Variants in ENOX1 observed in about 807,000 individuals in gnomAD.
The protein encoded by ENOX1 is candidate growth-related and time keeping constitutive hydroquinone (NADH) oxidase.
In ENOX1, 42 loss-of-function variants were observed where a neutral mutation model predicts 82.5. The observed-to-expected ratio is 0.51, with a 90% CI of 0.40 to 0.66. The LOEUF (loss-of-function observed/expected upper bound fraction) is 0.66. Among genes scored for constraint, ENOX1 ranks in the 30% least tolerant of loss-of-function variants. ENOX1 has a pLI of 0.00. For missense variants in ENOX1, 608 were observed against 811.6 expected, an observed-to-expected ratio of 0.75 and a Z score of 3.05; for synonymous variants, 271 against 282.2, an observed-to-expected ratio of 0.96 and a Z score of 0.40.
rs561375879 is a variant in ENOX1 at position 43,695,866 on chromosome 13, C to T, written c.-284-28322G>A. On this transcript the variant is annotated intron_variant, in intron 1 of 16. Coordinates refer to ENST00000690772, the MANE Select transcript of ENOX1 (RefSeq NM_001347969.2). Reference sequence around the variant, plus strand: ...TGATTTTTAATATATTCACAGAGTTCGGCAATTATCACCATTATTTAATTC... The same window carrying T: ...TGATTTTTAATATATTCACAGAGTTTGGCAATTATCACCATTATTTAATTC... 3.1e-4 allele frequency among the ~76,000 whole-genome samples: 47 copies of T among 152,210 alleles called. 1 individual carries two copies. The South Asian group carries it at 8.3e-3, about 27-fold the overall frequency.
chr13:43,484,078 A>G lies in ENOX1; in HGVS notation c.-144T>C, dbSNP rs879422961. ...ACTTGATTGAAACCATGTATTCATA[A>G]AAGTCTTTTAAATGGATGCTCTTCA... On this transcript the variant is annotated 5_prime_UTR_variant, in exon 3 of 17. Transcript: ENST00000690772. 38 of 985,402 alleles carry G rather than the reference A, an allele frequency of 3.9e-5. No homozygotes were observed. The highest frequency in any genetic ancestry group is 4.5e-5 in the Non-Finnish European group (37 of 829,910). 61.0% of individuals were successfully genotyped at this position (985,402 alleles called of 1,614,324 possible).
At chr13:43,675,370 CCACA>C (rs1249934639) in intron 1 of ENOX1, among the ~76,000 whole-genome samples, 1 of 152,122 alleles carries the variant, frequency 6.6e-6, no homozygotes, top group African/African-American at 2.4e-5. Context: ...GCTACAAAGA[CCACA>C]CAAAGTGCCA....
At chr13:43,756,824 C>T (rs1950669081) in intron 1 of ENOX1, among the ~76,000 whole-genome samples, 1 of 151,864 alleles carries the variant, frequency 6.6e-6, no homozygotes, top group Non-Finnish European at 1.5e-5. Context: ...GTGATTTAGG[C>T]AAAAGCCATC....
intron 1 of ENOX1, among the ~76,000 whole-genome samples, chr13:43,780,756 C>T (rs183485036): frequency 7.9e-5 from 12 of 152,358 alleles, no homozygotes; most frequent in Non-Finnish European, 1.5e-4. Context: ...TAACTCTGGG[C>T]TCTATCCCTT....
intron 3 of ENOX1, among the ~76,000 whole-genome samples, chr13:43,450,813 T>C (rs1246572590): frequency 3.3e-5 from 5 of 152,112 alleles, no homozygotes; most frequent in Admixed American, 3.3e-4. Flanking sequence ...TCTCTAGGTA[T>C]CAGCTGACCC....
intron 11 of ENOX1, among the ~76,000 whole-genome samples, chr13:43,303,185 C>T (rs1246637939): frequency 1.3e-5 from 2 of 152,200 alleles, no homozygotes; most frequent in Non-Finnish European, 2.9e-5. Context: ...GTACCGATAG[C>T]CCCTGAACAC....
At chr13:43,355,874 G>A (rs1471935238) in intron 8 of ENOX1, 45 bp downstream of exon 8, 6 of 1,549,266 alleles carry the variant, frequency 3.9e-6, no homozygotes, top group Non-Finnish European at 5.3e-6. Context: ...TTCCGTGTCT[G>A]GGGATCCCTG....
At chr13:43,346,182 A>G (rs957945429) in intron 8 of ENOX1, among the ~76,000 whole-genome samples, 1 of 152,210 alleles carries the variant, frequency 6.6e-6, no homozygotes, top group Non-Finnish European at 1.5e-5. Flanking sequence ...GACCAGGAGT[A>G]CAGCTTCCTT....
chr13:43,247,877 A>ATTTT (rs2043211402), intron 14 of ENOX1, among the ~76,000 whole-genome samples: 1 of 10,778 alleles, frequency 9.3e-5, no homozygotes, highest in East Asian at 2.0e-3. Context: ...ATATATATAT[A>ATTTT]TATATATTTT....
At chr13:43,561,832 T>C (rs2079684742) in intron 2 of ENOX1, among the ~76,000 whole-genome samples, 1 of 151,982 alleles carries the variant, frequency 6.6e-6, no homozygotes, top group African/African-American at 2.4e-5. Flanking sequence ...ATACAAAAAT[T>C]AGCCAGGCGT....
chr13:43,288,507 T>A (rs916484665), intron 12 of ENOX1, among the ~76,000 whole-genome samples: 2 of 152,220 alleles, frequency 1.3e-5, no homozygotes, highest in African/African-American at 4.8e-5. Context: ...TTGAGCTTTT[T>A]AAAGCTGAAT....
At chr13:43,532,086 TAA>T (rs879785133) in intron 2 of ENOX1, among the ~76,000 whole-genome samples, 15 of 151,730 alleles carry the variant, frequency 9.9e-5, no homozygotes, top group Non-Finnish European at 2.1e-4. Flanking sequence ...AAATAAAATT[TAA>T]AAAAAGAAAG....
intron 2 of ENOX1, among the ~76,000 whole-genome samples, chr13:43,622,327 T>G (rs1206147576): frequency 6.6e-6 from 1 of 152,226 alleles, no homozygotes; most frequent in Non-Finnish European, 1.5e-5. Context: ...AGCCTTGTTT[T>G]GTCATATTAC....
At chr13:43,699,079 C>G (rs1364062286) in intron 1 of ENOX1, among the ~76,000 whole-genome samples, 1 of 152,168 alleles carries the variant, frequency 6.6e-6, no homozygotes, top group African/African-American at 2.4e-5. Flanking sequence ...GATACTGGGA[C>G]AAACACTGCA....
At chr13:43,725,517 G>A (rs1566835718) in intron 1 of ENOX1, among the ~76,000 whole-genome samples, 1 of 152,114 alleles carries the variant, frequency 6.6e-6, no homozygotes, top group Non-Finnish European at 1.5e-5. Flanking sequence ...AAGGACAAGA[G>A]CTGGATGCAT....
intron 3 of ENOX1, among the ~76,000 whole-genome samples, chr13:43,474,906 G>C (rs1239485171): frequency 2.6e-5 from 4 of 152,032 alleles, no homozygotes; most frequent in African/African-American, 9.7e-5. Flanking sequence ...CTCTTGTCTG[G>C]TATTCCTGAG....
intron 14 of ENOX1, among the ~76,000 whole-genome samples, chr13:43,248,773 T>C (rs1566333282): frequency 6.6e-6 from 1 of 152,156 alleles, no homozygotes; most frequent in Non-Finnish European, 1.5e-5. Flanking sequence ...ACTACCAAGA[T>C]ATAAATGCTA....
chr13:43,757,916 G>A (rs1950743584), intron 1 of ENOX1, among the ~76,000 whole-genome samples: 1 of 151,932 alleles, frequency 6.6e-6, no homozygotes. Context: ...GTCAAAAACT[G>A]GAAACTGGAA....
At chr13:43,623,576 A>C (rs1217587777) in intron 2 of ENOX1, among the ~76,000 whole-genome samples, 1 of 152,078 alleles carries the variant, frequency 6.6e-6, no homozygotes, top group Non-Finnish European at 1.5e-5. Flanking sequence ...CGGTTGGGGC[A>C]CTCAACAGTT....
Sources: gnomAD v4.1 joint callset for allele counts (sites outside exome capture counted in the v4.1 genomes callset) on GRCh38, gnomAD v4.1.1 for gene constraint, MANE v1.5 for transcripts, NCBI Gene and HGNC (gene_info 2026-07-23, HGNC 2026-07-21) for gene names.